Variants in ELF1 observed in about 807,000 individuals in gnomAD.
The protein encoded by ELF1 is ETS-related transcription factor Elf-1.
A neutral mutation model predicts 59.9 loss-of-function variants in ELF1; 24 were observed. The observed-to-expected ratio is 0.40, with a 90% CI of 0.29 to 0.56. The LOEUF is 0.56. Ranked by LOEUF, ELF1 falls within the 20% of genes least tolerant of loss-of-function variation. ELF1 has a pLI of 0.44. For synonymous variants in ELF1, 248 were observed against 266.2 expected (o/e 0.93, Z 0.67); for missense variants, 627 against 742.2 (o/e 0.84, Z 1.80).
intron 2 of ELF1, among the ~76,000 whole-genome samples, chr13:40,966,610 G>C (rs1872190087): frequency 1.3e-5 from 2 of 152,186 alleles, no homozygotes; most frequent in South Asian, 4.1e-4. Flanking sequence ...AAGGTCCTAT[G>C]TGGATATTTC....
Position 40,979,012 on chromosome 13 carries a change from T to C in ELF1, c.72+2971A>G, listed in dbSNP as rs199573568. Among the ~76,000 whole-genome samples the C allele has an allele frequency of 5.9e-4, 61 of 103,534 alleles. 2 individuals carry two copies. In the East Asian group the frequency reaches 0.016, roughly 27 times the overall value. 67.9% of individuals were successfully genotyped at this position (103,534 alleles called of 152,430 possible). A position where few individuals can be genotyped will look rare whatever the true frequency, so the allele number is the denominator to read the frequency against. Reference sequence around the variant, plus strand: ...CCCAGGCAGTGGGCACAGCACCCAATAGTTAGTTTTTCAACCCTTGCCTGC... The same window carrying C: ...CCCAGGCAGTGGGCACAGCACCCAACAGTTAGTTTTTCAACCCTTGCCTGC... On this transcript the variant is annotated intron_variant, in intron 2 of 8. Coordinates refer to ENST00000239882, the MANE Select transcript of ELF1 (RefSeq NM_172373.4).
intron 2 of ELF1, among the ~76,000 whole-genome samples, chr13:40,961,207 G>GAT (rs1369278596): frequency 6.6e-6 from 1 of 152,182 alleles, no homozygotes; most frequent in East Asian, 1.9e-4. Flanking sequence ...GTGCTAAACA[G>GAT]ATAATATCCT....
chr13:40,957,936 T>C (rs1393617189), intron 3 of ELF1, among the ~76,000 whole-genome samples: 2 of 152,238 alleles, frequency 1.3e-5, no homozygotes, highest in Admixed American at 6.5e-5. Flanking sequence ...TTCTAAGGCA[T>C]TGTGCTACAT....
Position 40,942,935 on chromosome 13 carries a change from A to C in ELF1, c.806+17T>G. 3 of 1,515,922 alleles carry C rather than the reference A, an allele frequency of 2.0e-6. No individual in the cohort carries two copies. The highest frequency in any genetic ancestry group is 1.8e-6 in the Non-Finnish European group (2 of 1,127,478). The allele number at this position is 1,515,922 out of a possible 1,614,324, so 93.9% of individuals were successfully genotyped here. A position where few individuals can be genotyped will look rare whatever the true frequency, so the allele number is the denominator to read the frequency against. ...AATGATATTCTTAACACAATAAAAT[A>C]CCAAAACTTCGCATACCTGAGTGCT... On this transcript the variant is annotated intron_variant, in intron 7 of 8. Transcript: ENST00000239882.
chr13:41,030,782 A>C (rs762737986), intron 1 of ELF1, among the ~76,000 whole-genome samples: 16 of 147,542 alleles, frequency 1.1e-4, no homozygotes, highest in Non-Finnish European at 1.9e-4. Flanking sequence ...TTGTTGTGAA[A>C]GGGTCAAGAG....
intron 1 of ELF1, among the ~76,000 whole-genome samples, chr13:41,037,760 C>G (rs1012958834): frequency 2.0e-5 from 3 of 151,484 alleles, no homozygotes; most frequent in South Asian, 2.1e-4. Flanking sequence ...CACACCACTG[C>G]ACTCCAGCCT....
chr13:40,973,444 G>A (rs922776486), intron 2 of ELF1, among the ~76,000 whole-genome samples: 5 of 152,022 alleles, frequency 3.3e-5, no homozygotes, highest in Non-Finnish European at 7.4e-5. Flanking sequence ...TGTTGAAAAT[G>A]ACCCTCTTTT....
chr13:40,993,565 C>A, intron 1 of ELF1, among the ~76,000 whole-genome samples: 1 of 152,172 alleles, frequency 6.6e-6, no homozygotes, highest in East Asian at 1.9e-4. Flanking sequence ...ACTATGGCCT[C>A]AAACTCCTGG....
Position 40,941,158 on chromosome 13 carries a change from C to T in ELF1, c.1019G>A (p.Gly340Glu). ...RVSSSPGVKGGATTVLKPGNS... is the reference protein window; with the variant it reads ...RVSSSPGVKGEATTVLKPGNS... ...CCCTGGTTTTAGAACTGTAGTGGCT[C>T]CTCCTTTTACCCCTGGACTTGAAGA... The change falls in exon 8 of 9, where the codon GGA (glycine) becomes GAA (glutamate). Residue 340 changes from glycine (G) to glutamate (E), a missense_variant. Around this residue, in one of 3 missense-constraint regions of ELF1, gnomAD observed 361 missense variants for 396.1 expected, o/e 0.91. Transcript: ENST00000239882. 1 of 1,614,058 alleles carries T rather than the reference C, an allele frequency of 6.2e-7. No individual in the cohort carries two copies. The highest frequency in any genetic ancestry group is 8.5e-7 in the Non-Finnish European group (1 of 1,179,920).
intron 6 of ELF1, among the ~76,000 whole-genome samples, chr13:40,943,473 A>AG (rs1870312097): frequency 6.6e-6 from 1 of 152,208 alleles, no homozygotes; most frequent in South Asian, 2.1e-4. Flanking sequence ...TCTTTAGATT[A>AG]GAGCCAGCAG....
chr13:41,029,660 G>C (rs971248088), intron 1 of ELF1, among the ~76,000 whole-genome samples: 1 of 152,210 alleles, frequency 6.6e-6, no homozygotes, highest in African/African-American at 2.4e-5. Flanking sequence ...AGGATTACAG[G>C]CGTGAGCCAA....
chr13:41,035,378 T>C (rs1876330752), intron 1 of ELF1, among the ~76,000 whole-genome samples: 1 of 152,198 alleles, frequency 6.6e-6, no homozygotes, highest in Non-Finnish European at 1.5e-5. Context: ...CATTCAGAAA[T>C]TGAACTAATT....
intron 1 of ELF1, among the ~76,000 whole-genome samples, chr13:41,034,185 G>A (rs1174240653): frequency 1.3e-5 from 2 of 152,084 alleles, no homozygotes; most frequent in Non-Finnish European, 2.9e-5. Context: ...TCTTCCAAAG[G>A]GTCAAGGTCA....
chr13:40,934,177 G>A, intron 8 of ELF1, 149 bp from the exon 9 acceptor site: 2 of 1,071,932 alleles, frequency 1.9e-6, no homozygotes, highest in South Asian at 1.7e-5. Context: ...CCAATATCAT[G>A]CCAGACTTTG....
chr13:40,958,487 A>G (rs1871597731), intron 3 of ELF1, among the ~76,000 whole-genome samples: 1 of 151,996 alleles, frequency 6.6e-6, no homozygotes, highest in Non-Finnish European at 1.5e-5. Context: ...TGAGCCCAGG[A>G]GTCCAAGTCT....
chr13:41,012,312 CAAAAAAA>C (rs56791748), intron 1 of ELF1, among the ~76,000 whole-genome samples: 6 of 65,044 alleles, frequency 9.2e-5, no homozygotes, highest in Non-Finnish European at 1.4e-4. Context: ...GACTCTGTCT[CAAAAAAA>C]AAAAAAAAAA....
chr13:41,016,947 A>ATAT (rs1204325628), intron 1 of ELF1, among the ~76,000 whole-genome samples: 1 of 24,736 alleles, frequency 4.0e-5, no homozygotes, highest in Non-Finnish European at 6.8e-5. Context: ...AAAAAAAAAA[A>ATAT]ATATATATAT....
rs1875595313 is a variant in ELF1 at position 41,019,316 on chromosome 13, T to C, written c.-317A>G. 1.8e-5 allele frequency: 18 copies of C among 985,254 alleles called. No homozygotes were observed. Among genetic ancestry groups the C allele is most frequent in the Non-Finnish European group, 2.0e-5 (17 of 829,924 alleles). 61.0% of individuals were successfully genotyped at this position (985,254 alleles called of 1,614,324 possible). A position where few individuals can be genotyped will look rare whatever the true frequency, so the allele number is the denominator to read the frequency against. ...AGCTGTTAAAATGGCTCCTGTAGATTGGGGAAGTGGTGTCTGTGCTTCAGC... is the reference window on the plus strand; with the variant it reads ...AGCTGTTAAAATGGCTCCTGTAGATCGGGGAAGTGGTGTCTGTGCTTCAGC... On this transcript the variant is annotated 5_prime_UTR_variant, in exon 1 of 9. Coordinates refer to ENST00000239882, the MANE Select transcript of ELF1 (RefSeq NM_172373.4).
intron 2 of ELF1, among the ~76,000 whole-genome samples, chr13:40,969,064 C>T (rs1187151229): frequency 6.6e-6 from 1 of 152,026 alleles, no homozygotes; most frequent in Non-Finnish European, 1.5e-5. Flanking sequence ...AGCAACCAGG[C>T]AGAAAAGTTT....
Sources: gnomAD v4.1 joint callset for allele counts (sites outside exome capture counted in the v4.1 genomes callset) on GRCh38, gnomAD v4.1.1 for gene constraint, gnomAD v4.1.1 regional missense constraint, MANE v1.5 for transcripts, NCBI Gene and HGNC (gene_info 2026-07-23, HGNC 2026-07-21) for gene names.